DCP1A: variants seen among roughly 807,000 people sequenced by gnomAD.
The protein encoded by DCP1A is decapping mRNA 1A.
A neutral mutation model predicts 58.0 loss-of-function variants in DCP1A; 20 were observed. That is an observed-to-expected ratio of 0.34 (90% CI 0.24 to 0.50). The LOEUF is 0.50. Among genes scored for constraint, DCP1A ranks in the 20% least tolerant of loss-of-function variants. The probability of loss-of-function intolerance (pLI) is 0.98; values close to 1 mark genes in which losing one functional copy is unlikely to be tolerated. For synonymous variants in DCP1A, 285 were observed against 275.1 expected (o/e 1.04, Z -0.36); for missense variants, 613 against 712.2 (o/e 0.86, Z 1.59).
At chr3:53,307,811 G>A (rs1707520075) in intron 5 of DCP1A, among the ~76,000 whole-genome samples, 1 of 152,160 alleles carries the variant, frequency 6.6e-6, no homozygotes, top group African/African-American at 2.4e-5. Context: ...TGTACATGAG[G>A]ATTTTACAAG....
intron 6 of DCP1A, among the ~76,000 whole-genome samples, chr3:53,302,797 A>G (rs1707352217): frequency 6.6e-6 from 1 of 151,886 alleles, no homozygotes; most frequent in Non-Finnish European, 1.5e-5. Context: ...CTAATTTTGT[A>G]TTTTTAGTAG....
chr3:53,291,880 G>A (rs1425711596), intron 7 of DCP1A, among the ~76,000 whole-genome samples, 189 bp downstream of exon 7: 2 of 152,138 alleles, frequency 1.3e-5, no homozygotes, highest in Non-Finnish European at 2.9e-5. Flanking sequence ...TATCCCGATA[G>A]GAAAATATAA....
chr3:53,346,496 CG>C (rs1447652681), intron 1 of DCP1A, among the ~76,000 whole-genome samples: 3 of 152,126 alleles, frequency 2.0e-5, no homozygotes, highest in African/African-American at 7.2e-5. Context: ...CAAGCATTTA[CG>C]TATTACTTTC....
At position 53,283,478 on chromosome 3, in the gene DCP1A, A is replaced by G. The variant is rs1465257470; in HGVS notation, c.*4102T>C. Reference sequence around the variant, plus strand: ...ATTTTATTAAAAAAATATATTTGCAAACATATAAAATTTAAGATGAAAAAC... The same window carrying G: ...ATTTTATTAAAAAAATATATTTGCAGACATATAAAATTTAAGATGAAAAAC... On this transcript the variant is annotated 3_prime_UTR_variant, in exon 10 of 10. Coordinates refer to ENST00000610213, the MANE Select transcript of DCP1A (RefSeq NM_018403.7). The G allele has an allele frequency of 4.6e-5, 7 of 152,244 alleles. No individual in the cohort carries two copies. Among genetic ancestry groups the G allele is most frequent in the Admixed American group, 4.6e-4 (7 of 15,288 alleles). 9.4% of individuals were successfully genotyped at this position (152,244 alleles called of 1,614,324 possible). A position where few individuals can be genotyped will look rare whatever the true frequency, so the allele number is the denominator to read the frequency against.
intron 3 of DCP1A, among the ~76,000 whole-genome samples, chr3:53,323,728 GATGC>G (rs1708036074): frequency 6.6e-6 from 1 of 151,932 alleles, no homozygotes; most frequent in Non-Finnish European, 1.5e-5. Context: ...TGGGCGTGGT[GATGC>G]ATGTTTATAA....
chr3:53,322,182 G>A (rs1329278930), intron 3 of DCP1A, among the ~76,000 whole-genome samples: 1 of 152,132 alleles, frequency 6.6e-6, no homozygotes, highest in African/African-American at 2.4e-5. Flanking sequence ...GCTGGGCACG[G>A]TGGCTCATGC....
chr3:53,295,635 T>C (rs1432517665), intron 6 of DCP1A, among the ~76,000 whole-genome samples: 1 of 152,146 alleles, frequency 6.6e-6, no homozygotes, highest in Non-Finnish European at 1.5e-5. Context: ...AGCCTTGACC[T>C]TCCAGACTCA....
intron 6 of DCP1A, among the ~76,000 whole-genome samples, chr3:53,300,361 G>T (rs576708777): frequency 6.9e-6 from 1 of 144,030 alleles, no homozygotes; most frequent in African/African-American, 2.7e-5. Flanking sequence ...TTTTGAGATG[G>T]AGTTTCACTC....
At chr3:53,339,923 C>A (rs782406067) in intron 3 of DCP1A, among the ~76,000 whole-genome samples, 1 of 152,100 alleles carries the variant, frequency 6.6e-6, no homozygotes, top group African/African-American at 2.4e-5. Flanking sequence ...ATTTCTCCCA[C>A]CCTCTTTTCA....
At chr3:53,288,438 A>G in intron 8 of DCP1A, 155 bp from the exon 9 acceptor site, 1 of 613,012 alleles carries the variant, frequency 1.6e-6, no homozygotes, top group East Asian at 2.8e-5. Context: ...GGAACATGTG[A>G]ACATCTGACA....
At chr3:53,289,012 C>T (rs1054388707) in intron 8 of DCP1A, among the ~76,000 whole-genome samples, 2 of 151,222 alleles carry the variant, frequency 1.3e-5, no homozygotes, top group Non-Finnish European at 2.9e-5. Flanking sequence ...AAGACTCCAT[C>T]TCGTCTTTTT....
Position 53,344,129 on chromosome 3 carries a change from G to A in DCP1A, c.176+773C>T, listed in dbSNP as rs560399098. Among the ~76,000 whole-genome samples the A allele has an allele frequency of 1.6e-4, 24 of 151,560 alleles. No individual in the cohort carries two copies. In the South Asian group the frequency reaches 5.0e-3, roughly 32 times the overall value. On this transcript the variant is annotated intron_variant, in intron 2 of 9. Coordinates refer to ENST00000610213, the MANE Select transcript of DCP1A (RefSeq NM_018403.7). ...AATGGAGAAAGGCAATCCTTATGAA[G>A]CAACTCAATACAAAAAAAAAAGGGA...
intron 6 of DCP1A, among the ~76,000 whole-genome samples, chr3:53,296,645 C>T (rs143338402): frequency 6.6e-6 from 1 of 152,228 alleles, no homozygotes; most frequent in African/African-American, 2.4e-5. Flanking sequence ...AATTCAGTGG[C>T]CTTTAGTATA....
At position 53,344,942 on chromosome 3, in the gene DCP1A, C is replaced by T; in HGVS notation, c.136G>A (p.Glu46Lys). ...YTFCPKANQW[E>K]KTDIEGTLFV... ...AAGGTCCCTTCTATATCAGTCTTCTCCTATGAAAGACAATGACTCAATTAG... is the reference window on the plus strand; with the variant it reads ...AAGGTCCCTTCTATATCAGTCTTCTTCTATGAAAGACAATGACTCAATTAG... Residue 46 changes from glutamate to lysine, a missense_variant and splice_region_variant, in exon 2 of 10, where the codon GAG becomes AAG. Physicochemically the swap from Glu to Lys is moderately conservative, Grantham distance 56. Transcript: ENST00000610213. The T allele has an allele frequency of 6.2e-7, 1 of 1,602,056 alleles. No homozygotes were observed. The highest frequency in any genetic ancestry group is 1.1e-5 in the South Asian group (1 of 89,094).
rs782405748 is a variant in DCP1A at position 53,319,422 on chromosome 3, G to C, written c.356C>G (p.Ala119Gly). Residue 119 changes from alanine (A) to glycine (G), a missense_variant, in exon 4 of 10, where the codon GCA becomes GGA. Transcript: ENST00000610213. ...FYDKNDCHRI[A>G]KLMADVVEEE... The stretch of plus-strand genomic sequence containing the variant: ...ATATACTTACTCAGCCATGAGTTTT[G>C]CTATGCGGTGACAGTCATTCTTGTC... The C allele has an allele frequency of 6.4e-7, 1 of 1,558,210 alleles. No homozygotes were observed. Among genetic ancestry groups the C allele is most frequent in the Non-Finnish European group, 8.7e-7 (1 of 1,148,094 alleles).
At chr3:53,295,508 A>G (rs1158120605) in intron 6 of DCP1A, among the ~76,000 whole-genome samples, 2 of 152,216 alleles carry the variant, frequency 1.3e-5, no homozygotes, top group South Asian at 2.1e-4. Context: ...CTGAAATAAA[A>G]GATACCTCAG....
chr3:53,287,692 ATGCCACATTTACCTCATCAGAT>A, intron 9 of DCP1A, 32 bp from the exon 10 acceptor site: 1 of 1,484,884 alleles, frequency 6.7e-7, no homozygotes. Context: ...AAGGATACGA[ATGCCACATTTACCTCATCAGAT>A]TTTACTTCCT....
Position 53,347,396 on chromosome 3 carries a change from T to G in DCP1A, c.122A>C (p.Lys41Thr). The change falls in exon 1 of 10, where the codon AAG becomes ACG. Residue 41 changes from lysine (K) to threonine (T), a missense_variant. By Grantham distance (78) the Lys-to-Thr change is moderately conservative (BLOSUM62 -1). Transcript: ENST00000610213. ...GGCGGCACTCACCCACTGGTTGGCC[T>G]TGGGGCAGAAGGTGTACAGAGCGAC... ...GQVALYTFCP[K>T]ANQWEKTDIE... 1.9e-6 allele frequency: 3 copies of G among 1,605,308 alleles called. No individual in the cohort carries two copies. Among genetic ancestry groups the G allele is most frequent in the South Asian group, 2.2e-5 (2 of 90,566 alleles).
intron 6 of DCP1A, among the ~76,000 whole-genome samples, chr3:53,299,750 A>C (rs1172077932): frequency 6.6e-6 from 1 of 152,246 alleles, no homozygotes; most frequent in African/African-American, 2.4e-5. Context: ...AAACAAATGT[A>C]GTATCTGCCT....
Sources: gnomAD v4.1 joint callset for allele counts (sites outside exome capture counted in the v4.1 genomes callset) on GRCh38, gnomAD v4.1.1 for gene constraint, MANE v1.5 for transcripts, NCBI Gene and HGNC (gene_info 2026-07-23, HGNC 2026-07-21) for gene names.